The following NOC3L variants were observed in gnomAD, a reference collection of about 807,000 sequenced individuals.
The protein encoded by NOC3L is nucleolar complex protein 3 homolog.
Under a neutral mutation model 102.5 loss-of-function variants are expected in NOC3L, and 85 were observed. That is an observed-to-expected ratio of 0.83 (90% CI 0.70 to 0.99). The LOEUF is 0.99. Ranked by LOEUF, NOC3L falls within the 50% of genes least tolerant of loss-of-function variation. The pLI, the probability that NOC3L is intolerant of heterozygous loss-of-function variation, is 0.00. For synonymous variants in NOC3L, 303 were observed against 309.4 expected, an observed-to-expected ratio of 0.98 and a Z score of 0.22; for missense variants, 878 against 914.9, an observed-to-expected ratio of 0.96 and a Z score of 0.52.
rs763421415 is a variant in NOC3L, at chr10:94,361,793, T to C, written c.89A>G (p.Asn30Ser). Residue 30 changes from asparagine to serine, a missense_variant, in exon 2 of 21, where the codon AAT (asparagine) becomes AGT (serine). Coordinates refer to ENST00000371361, the MANE Select transcript of NOC3L (RefSeq NM_022451.11). The stretch of plus-strand genomic sequence containing the variant: ...AGTGCTTTGTTGTTTAAACTGCTTA[T>C]TTTTTAGCTTGTTTTCAAGTTTGAC... ...SKVKLENKLK[N>S]KQFKQQSTLK... 6.2e-7 allele frequency: 1 copy of C among 1,613,910 alleles called. No homozygotes were observed. The highest frequency in any genetic ancestry group is 1.1e-5 in the South Asian group (1 of 91,056).
chr10:94,329,227 G>A (rs1017859600), downstream of NOC3L: 1 of 152,122 alleles, frequency 6.6e-6, no homozygotes, highest in African/African-American at 2.4e-5. Context: ...AAACTTTGCT[G>A]TACAAAACCA....
chr10:94,340,447 A>T lies in NOC3L; in HGVS notation c.1694T>A (p.Ile565Asn), dbSNP rs1013292428. ...SLHCVQTAFHILSGQGDVLNI... is the reference protein window; with the variant it reads ...SLHCVQTAFHNLSGQGDVLNI... Reference sequence around the variant, plus strand: ...AAATATCATACCTTGTCCAGAAAGAATATGAAAAGCAGTCTGGACACAGTG... The same window carrying T: ...AAATATCATACCTTGTCCAGAAAGATTATGAAAAGCAGTCTGGACACAGTG... The change falls in exon 15 of 21, where the codon ATT (isoleucine) becomes AAT (asparagine). Residue 565 changes from isoleucine to asparagine, a missense_variant. Physicochemically the swap from Ile to Asn is moderately radical, Grantham distance 149 (BLOSUM62 -3). Coordinates refer to ENST00000371361, the MANE Select transcript of NOC3L (RefSeq NM_022451.11). 3 of 1,536,300 alleles carry T rather than the reference A, an allele frequency of 2.0e-6. No homozygotes were observed. Among genetic ancestry groups the T allele is most frequent in the Non-Finnish European group, 1.8e-6 (2 of 1,133,496 alleles).
chr10:94,348,429 G>T (rs1194086881), intron 10 of NOC3L, among the ~76,000 whole-genome samples: 1 of 151,880 alleles, frequency 6.6e-6, no homozygotes, highest in African/African-American at 2.4e-5. Context: ...TGTAATGCAA[G>T]CTCCACAAAC....
downstream of NOC3L, chr10:94,332,076 G>A (rs945286286): frequency 1.3e-5 from 2 of 151,800 alleles, no homozygotes; most frequent in African/African-American, 2.4e-5. Context: ...TCACTATGTT[G>A]GTAAGGCTGG....
At chr10:94,321,790 G>T in the NOC3L span, 2 of 752,472 alleles carry the variant, frequency 2.7e-6, no homozygotes, top group Non-Finnish European at 4.6e-6. Flanking sequence ...GAGATATTAA[G>T]CTAAGAAGTT....
intron 9 of NOC3L, 126 bp from the exon 10 acceptor site, chr10:94,349,504 T>A: frequency 1.4e-6 from 1 of 691,182 alleles, no homozygotes; most frequent in South Asian, 3.0e-5. Flanking sequence ...ATGGACTTTC[T>A]CCACTAGATG....
In NOC3L at chr10:94,360,208, C is replaced by T. The variant is rs572308912; in HGVS notation, c.217+1457G>A. On this transcript the variant is annotated intron_variant, in intron 2 of 20. Transcript: ENST00000371361. ...GTGTGCGCCTGTAATCCTAGCTACTCGGGAGGCTAAGGCAGGAGAATCACT... is the reference window on the plus strand; with the variant it reads ...GTGTGCGCCTGTAATCCTAGCTACTTGGGAGGCTAAGGCAGGAGAATCACT... Among the ~76,000 whole-genome samples the T allele has an allele frequency of 5.1e-4, 78 of 152,068 alleles. 1 individual carries two copies. The highest frequency in any genetic ancestry group is 5.0e-3 in the Admixed American group (76 of 15,270).
At chr10:94,326,041 C>G in the NOC3L span, among the ~76,000 whole-genome samples, 2,808 of 152,248 alleles carry the variant, frequency 0.018, 29 homozygotes, top group South Asian at 0.041. Context: ...TACATGAGAC[C>G]TGAATAAAAG....
chr10:94,346,946 G>A (rs914734129), intron 10 of NOC3L, among the ~76,000 whole-genome samples: 4 of 152,170 alleles, frequency 2.6e-5, no homozygotes, highest in Admixed American at 1.3e-4. Context: ...GATTTAGTAG[G>A]TCTGAGTTGA....
At chr10:94,338,974 A>T (rs1258370708) in intron 17 of NOC3L, among the ~76,000 whole-genome samples, 2 of 152,250 alleles carry the variant, frequency 1.3e-5, no homozygotes, top group Non-Finnish European at 2.9e-5. Flanking sequence ...AAAAGAAAAA[A>T]ATATGCTTCT....
chr10:94,340,365 A>C lies in NOC3L; in HGVS notation c.1709-18T>G, dbSNP rs2054267943. 6.2e-7 allele frequency: 1 copy of C among 1,611,958 alleles called. No homozygotes were observed. Among genetic ancestry groups the C allele is most frequent in the Non-Finnish European group, 8.5e-7 (1 of 1,178,700 alleles). ...AACATCACCTTTGAAATGACAACAA[A>C]CACCAATTAGGTATGTTATAGCATT... On this transcript the variant is annotated intron_variant, in intron 15 of 20. Transcript: ENST00000371361.
At chr10:94,322,014 C>T in the NOC3L span, 1 of 1,614,144 alleles carries the variant, frequency 6.2e-7, no homozygotes, top group Non-Finnish European at 8.5e-7. Flanking sequence ...CTCGAACAGT[C>T]ATCAAAGCAC....
Position 94,334,033 on chromosome 10 carries a change from C to G in NOC3L, c.*144G>C, listed in dbSNP as rs749318539. 44 of 553,808 alleles carry G rather than the reference C, an allele frequency of 7.9e-5. No homozygotes were observed. Among genetic ancestry groups the G allele is most frequent in the Non-Finnish European group, 1.3e-4 (41 of 313,776 alleles). The allele number at this position is 553,808 out of a possible 1,614,324, so 34.3% of individuals were successfully genotyped here. ...AATAGGGGCAGAACCCTGTGCCATGCAAAGGGTCATTCTTCCTCTTCTTCC... is the reference window on the plus strand; with the variant it reads ...AATAGGGGCAGAACCCTGTGCCATGGAAAGGGTCATTCTTCCTCTTCTTCC... On this transcript the variant is annotated 3_prime_UTR_variant, in exon 21 of 21. Transcript: ENST00000371361.
chr10:94,318,120 C>G, the NOC3L span, among the ~76,000 whole-genome samples: 1 of 152,198 alleles, frequency 6.6e-6, no homozygotes, highest in East Asian at 1.9e-4. Flanking sequence ...CCTTCTTTCC[C>G]TGACCTTGCC....
chr10:94,318,791 T>G, the NOC3L span, among the ~76,000 whole-genome samples: 7 of 152,254 alleles, frequency 4.6e-5, no homozygotes, highest in Non-Finnish European at 1.0e-4. Context: ...CTGGGCACGG[T>G]GGCTCACACC....
chr10:94,339,046 G>A (rs2133985604), intron 17 of NOC3L, among the ~76,000 whole-genome samples: 1 of 152,206 alleles, frequency 6.6e-6, no homozygotes, highest in South Asian at 2.1e-4. Flanking sequence ...AATACATAAA[G>A]ATATTCACTA....
Position 94,334,220 on chromosome 10 carries a change from G to A in NOC3L, c.2360C>T (p.Ser787Leu), listed in dbSNP as rs759040493. The A allele has an allele frequency of 8.1e-6, 13 of 1,603,662 alleles. No individual in the cohort carries two copies. The highest frequency in any genetic ancestry group is 6.7e-5 in the Admixed American group (4 of 59,872). The change falls in exon 21 of 21, where the codon TCG becomes TTG. Residue 787 changes from serine (S) to leucine (L), a missense_variant. By Grantham distance (145) the Ser-to-Leu change is moderately radical. Transcript: ENST00000371361. The part of the protein sequence containing the change: ...KRYSSEVATE[S>L]PLDFTKYLKT... ...CAAATATTTCGTGAAATCCAGAGGC[G>A]ATTCAGTAGCAACTTCACTGGAGTA... is the stretch of plus-strand genomic sequence containing the variant.
chr10:94,316,474 T>A, the NOC3L span: 25 of 936,982 alleles, frequency 2.7e-5, no homozygotes, highest in Non-Finnish European at 4.0e-5. Context: ...AGCAAACCTA[T>A]CTGAACACCA....
Position 94,334,184 on chromosome 10 carries a change from A to T in NOC3L, c.2396T>A (p.Leu799Gln). 7.4e-7 allele frequency: 1 copy of T among 1,345,366 alleles called. No homozygotes were observed. Among genetic ancestry groups the T allele is most frequent in the Non-Finnish European group, 1.1e-6 (1 of 935,980 alleles). 83.3% of individuals were successfully genotyped at this position (1,345,366 alleles called of 1,614,324 possible). Residue 799 changes from leucine (L) to glutamine (Q), a missense_variant, in exon 21 of 21, where the codon CTA becomes CAA. By Grantham distance (113) the Leu-to-Gln change is moderately radical. Coordinates refer to ENST00000371361, the MANE Select transcript of NOC3L (RefSeq NM_022451.11). ...ACTGACTTCATTCCTCTACTAGTGT[A>T]GTGATGTTTTCAAATATTTCGTGAA... ...LDFTKYLKTS[L>Q]H
Sources: allele counts gnomAD v4.1 joint callset (sites outside exome capture counted in the v4.1 genomes callset), GRCh38; gene constraint gnomAD v4.1.1; transcripts MANE v1.5; gene names NCBI Gene and HGNC (gene_info 2026-07-23, HGNC 2026-07-21).